The following TOMM34 variants were observed in gnomAD, a reference collection of about 807,000 sequenced individuals.
TOMM34 encodes mitochondrial import receptor subunit TOM34.
A neutral mutation model predicts 37.4 loss-of-function variants in TOMM34; 24 were observed. The observed-to-expected ratio is 0.64, with a 90% CI of 0.46 to 0.90. The LOEUF (loss-of-function observed/expected upper bound fraction) is 0.90. Among genes scored for constraint, TOMM34 ranks in the 40% least tolerant of loss-of-function variants. The pLI is 0.00. For missense variants in TOMM34, 304 were observed against 375.6 expected (o/e 0.81, Z 1.58); for synonymous variants, 154 against 148.9 (o/e 1.03, Z -0.25).
intron 1 of TOMM34, chr20:44,958,226 T>C (rs1272845517): frequency 2.0e-5 from 8 of 404,974 alleles, no homozygotes; most frequent in Non-Finnish European, 4.1e-5. Context: ...TCATATTGCC[T>C]ATCCTTCTGC....
rs959230406 is a variant in TOMM34, at chr20:44,954,993, C to T, written c.380+75G>A. 3 of 1,547,242 alleles carry T rather than the reference C, an allele frequency of 1.9e-6. No homozygotes were observed. The African/African-American group carries it at 4.1e-5, about 21-fold the overall frequency. On this transcript the variant is annotated intron_variant, in intron 3 of 6. Transcript: ENST00000372813. ...CAAAGGGATCCCCTCAGAAGACAGA[C>T]AAGGCAATGGCCCGCAGCCAATCAA...
intron 1 of TOMM34, among the ~76,000 whole-genome samples, chr20:44,957,685 C>G (rs1268094509): frequency 6.6e-6 from 1 of 152,060 alleles, no homozygotes; most frequent in African/African-American, 2.4e-5. Flanking sequence ...CTCTGTTGCC[C>G]AGGCTGAAGT....
intron 4 of TOMM34, among the ~76,000 whole-genome samples, chr20:44,951,100 G>A (rs6073574): frequency 0.015 from 2,325 of 152,236 alleles, 41 homozygotes; most frequent in Middle Eastern, 0.024. Context: ...CTCATCCGCC[G>A]GTTATGGTGT....
intron 4 of TOMM34, 100 bp from the exon 5 acceptor site, chr20:44,948,977 C>T (rs2067004162): frequency 1.4e-6 from 2 of 1,434,152 alleles, no homozygotes; most frequent in Admixed American, 2.4e-5. Flanking sequence ...GACTACAATC[C>T]TCTCTCCCAG....
At chr20:44,952,126 G>A (rs978592597) in intron 3 of TOMM34, 124 bp from the exon 4 acceptor site, 61 of 1,168,100 alleles carry the variant, frequency 5.2e-5, no homozygotes, top group Non-Finnish European at 6.8e-5. Context: ...CCCCCTGGTC[G>A]GAACCACCTC....
intron 3 of TOMM34, among the ~76,000 whole-genome samples, chr20:44,954,045 A>T (rs2067049234): frequency 6.6e-6 from 1 of 152,126 alleles, no homozygotes; most frequent in Non-Finnish European, 1.5e-5. Flanking sequence ...AATTCCTGTG[A>T]TCTGTCACAC....
chr20:44,960,082 G>C (rs1303540070), intron 1 of TOMM34, 125 bp downstream of exon 1: 4 of 1,389,254 alleles, frequency 2.9e-6, no homozygotes, highest in African/African-American at 1.5e-5. Flanking sequence ...TAGGATGCCG[G>C]AGTCGGAAGG....
intron 3 of TOMM34, among the ~76,000 whole-genome samples, chr20:44,953,746 T>C (rs1228067292): frequency 9.2e-5 from 14 of 152,328 alleles, no homozygotes; most frequent in South Asian, 4.1e-4. Context: ...ACTTCCTACA[T>C]GTCCCCTGAC....
rs2067002104 is a variant in TOMM34, at chr20:44,948,802, T to C, written c.626A>G (p.His209Arg). The C allele has an allele frequency of 6.2e-7, 1 of 1,614,186 alleles. No homozygotes were observed. Among genetic ancestry groups the C allele is most frequent in the East Asian group, 2.2e-5 (1 of 44,892 alleles). ...ACTGTACTTCTCAATAGCTTTCTTA[T>C]GGTTTCCCTTCTTTACAAGCTCATT... Reference protein sequence around the residue: ...EGNELVKKGNHKKAIEKYSES... With the variant: ...EGNELVKKGNRKKAIEKYSES... The change falls in exon 5 of 7, where the codon CAT (histidine) becomes CGT (arginine). Residue 209 changes from histidine to arginine, a missense_variant. Coordinates refer to ENST00000372813, the MANE Select transcript of TOMM34 (RefSeq NM_006809.5).
chr20:44,957,628 C>T (rs1359165566), intron 1 of TOMM34, among the ~76,000 whole-genome samples: 3 of 152,012 alleles, frequency 2.0e-5, no homozygotes, highest in South Asian at 4.1e-4. Flanking sequence ...AGATTTAGCA[C>T]GTTATATTAG....
intron 1 of TOMM34, among the ~76,000 whole-genome samples, chr20:44,956,873 GA>G (rs201381449): frequency 0.23 from 12,284 of 54,374 alleles, 940 homozygotes; most frequent in African/African-American, 0.38. Flanking sequence ...AAGAAAGAAA[GA>G]AAAAAAAAAA....
chr20:44,952,556 G>A, intron 3 of TOMM34: 2 of 716,514 alleles, frequency 2.8e-6, no homozygotes, highest in South Asian at 1.5e-5. Flanking sequence ...CTTTGCACAT[G>A]CTTTTTCCTC....
intron 5 of TOMM34, among the ~76,000 whole-genome samples, chr20:44,947,142 T>G (rs1387539258): frequency 1.3e-5 from 2 of 152,084 alleles, no homozygotes; most frequent in Non-Finnish European, 2.9e-5. Flanking sequence ...GGTCCAGAGA[T>G]AGAGGAGTTA....
At chr20:44,948,349 G>A (rs1312658123) in intron 5 of TOMM34, among the ~76,000 whole-genome samples, 1 of 152,240 alleles carries the variant, frequency 6.6e-6, no homozygotes, top group Non-Finnish European at 1.5e-5. Context: ...CTCTCAGACA[G>A]AAATGGTGCC....
chr20:44,946,249 G>C (rs1442256231), intron 5 of TOMM34, among the ~76,000 whole-genome samples: 2 of 152,170 alleles, frequency 1.3e-5, no homozygotes, highest in Non-Finnish European at 2.9e-5. Context: ...GAACCACCGT[G>C]TATCGTGACT....
At chr20:44,949,000 C>T in intron 4 of TOMM34, 123 bp from the exon 5 acceptor site, 2 of 1,283,478 alleles carry the variant, frequency 1.6e-6, no homozygotes, top group Non-Finnish European at 2.1e-6. Flanking sequence ...ATTTCCTCCC[C>T]TGCTGTAAAT....
At chr20:44,950,476 G>C (rs978637910) in intron 4 of TOMM34, among the ~76,000 whole-genome samples, 14 of 152,148 alleles carry the variant, frequency 9.2e-5, no homozygotes, top group Non-Finnish European at 1.9e-4. Context: ...AGTTCCCTGA[G>C]GGCCAAGACT....
At chr20:44,954,618 T>G (rs56036561) in intron 3 of TOMM34, among the ~76,000 whole-genome samples, 1 of 152,192 alleles carries the variant, frequency 6.6e-6, no homozygotes. Flanking sequence ...GGGGAACCTC[T>G]TGGATTGGTC....
chr20:44,952,607 C>T (rs1233394181), intron 3 of TOMM34: 6 of 717,302 alleles, frequency 8.4e-6, no homozygotes, highest in East Asian at 5.4e-5. Flanking sequence ...AAGATTGCCA[C>T]CTTCCAGGCC....
Sources: gnomAD v4.1 joint callset for allele counts (sites outside exome capture counted in the v4.1 genomes callset) on GRCh38, gnomAD v4.1.1 for gene constraint, MANE v1.5 for transcripts, NCBI Gene and HGNC (gene_info 2026-07-23, HGNC 2026-07-21) for gene names.